The following CLEC18C variants were observed in gnomAD, a reference collection of about 807,000 sequenced individuals.
CLEC18C encodes C-type lectin domain family 18 member C, also known as mannose receptor-like 3.
A neutral mutation model predicts 27.2 loss-of-function variants in CLEC18C; 2 were observed. The ratio of observed to expected loss-of-function variants is 0.07; its 90% CI spans 0.03 to 0.23. The LOEUF (loss-of-function observed/expected upper bound fraction) is 0.23. Among genes scored for constraint, CLEC18C ranks in the 10% least tolerant of loss-of-function variants. CLEC18C has a pLI of 1.00. For missense variants in CLEC18C, 31 were observed against 269.0 expected (o/e 0.12, Z 6.19); for synonymous variants, 13 against 112.8 (o/e 0.12, Z 5.61).
intron 3 of CLEC18C, among the ~76,000 whole-genome samples, chr16:70,176,626 G>C (rs1968296684): frequency 2.0e-5 from 3 of 147,052 alleles, no homozygotes; most frequent in Non-Finnish European, 4.4e-5. Context: ...CTGCTTGGGA[G>C]GCTGAGGCAG....
rs532251801 is a variant in CLEC18C at position 70,186,036 on chromosome 16, C to T, written c.1303+60C>T. ...TCTGACCCTGGGGGTGCTGCTGACC[C>T]GGTCCAGCCTGCAAGGGTATCTAGG... On this transcript the variant is annotated intron_variant, in intron 12 of 12. Transcript: ENST00000541793. 397 of 1,484,020 alleles carry T rather than the reference C, an allele frequency of 2.7e-4. 68 individuals are homozygous for T. In the African/African-American group the frequency reaches 5.4e-3, roughly 20 times the overall value. 91.9% of individuals were successfully genotyped at this position (1,484,020 alleles called of 1,614,324 possible). A position where few individuals can be genotyped will look rare whatever the true frequency, so the allele number is the denominator to read the frequency against.
At chr16:70,175,588 C>A (rs1352588063) in intron 3 of CLEC18C, among the ~76,000 whole-genome samples, 1 of 126,118 alleles carries the variant, frequency 7.9e-6, no homozygotes, top group Non-Finnish European at 1.5e-5. Context: ...CCCCACCAGC[C>A]CGGCTGGGGC....
chr16:70,176,619 C>T (rs1299044464), intron 3 of CLEC18C, among the ~76,000 whole-genome samples: 2 of 147,816 alleles, frequency 1.4e-5, no homozygotes, highest in Non-Finnish European at 3.0e-5. Context: ...ATCCCAGCTG[C>T]TTGGGAGGCT....
intron 4 of CLEC18C, among the ~76,000 whole-genome samples, chr16:70,179,238 C>T (rs1209317711): frequency 7.4e-6 from 1 of 135,706 alleles, no homozygotes; most frequent in African/African-American, 2.8e-5. Context: ...TTCCCACTTC[C>T]CGAAGATCTT....
At chr16:70,178,404 G>A (rs965793918) in intron 4 of CLEC18C, among the ~76,000 whole-genome samples, 15 of 133,678 alleles carry the variant, frequency 1.1e-4, no homozygotes, top group Non-Finnish European at 2.4e-4. Flanking sequence ...CTACAGGCAC[G>A]AGCCACCACA....
chr16:70,181,674 T>TAAATAAATAAAA lies in CLEC18C; in HGVS notation c.457-174_457-173insATAAATAAAAAA, dbSNP rs60849704. On this transcript the variant is annotated intron_variant, in intron 4 of 12. Coordinates refer to ENST00000541793, the MANE Select transcript of CLEC18C (RefSeq NM_173619.4). ...ATAAATAAATAAATAAATAAATAAA[T>TAAATAAATAAAA]AAGCCTTCCTGAACTATTCCCACCC... Among the ~76,000 whole-genome samples, 74 of 9,260 alleles carry TAAATAAATAAAA rather than the reference T, an allele frequency of 8.0e-3. 1 individual carries two copies. The highest frequency in any genetic ancestry group is 0.022 in the African/African-American group (27 of 1,234). The allele number at this position is 9,260 out of a possible 152,430, so 6.1% of individuals were successfully genotyped here.
rs1968174554 is a variant in CLEC18C, at chr16:70,173,825, C to T, written c.-233C>T. 4 of 181,978 alleles carry T rather than the reference C, an allele frequency of 2.2e-5. No homozygotes were observed. The highest frequency in any genetic ancestry group is 4.7e-5 in the Non-Finnish European group (4 of 85,722). 11.3% of individuals were successfully genotyped at this position (181,978 alleles called of 1,614,324 possible). ...TCACCAGAAGGACCATAGCCGAGGT[C>T]CTCCTCCCAGGGCCCGGGGCTGGGG... On this transcript the variant is annotated 5_prime_UTR_variant, in exon 1 of 13. Transcript: ENST00000541793.
intron 2 of CLEC18C, chr16:70,174,631 G>C: frequency 9.3e-7 from 1 of 1,080,238 alleles, no homozygotes; most frequent in Non-Finnish European, 1.3e-6. Flanking sequence ...ACGCCGAGGA[G>C]CGCTGTGGCT....
chr16:70,176,176 T>C (rs2152137141), intron 3 of CLEC18C, among the ~76,000 whole-genome samples: 1 of 103,854 alleles, frequency 9.6e-6, no homozygotes, highest in East Asian at 2.8e-4. Flanking sequence ...GGAGGGCTGC[T>C]GAGGGACCCC....
At chr16:70,178,410 C>G (rs1156342519) in intron 4 of CLEC18C, among the ~76,000 whole-genome samples, 2 of 133,028 alleles carry the variant, frequency 1.5e-5, no homozygotes, top group East Asian at 4.3e-4. Flanking sequence ...GCACGAGCCA[C>G]CACACCCCAC....
intron 4 of CLEC18C, among the ~76,000 whole-genome samples, 181 bp downstream of exon 4, chr16:70,177,661 T>C (rs1346747894): frequency 1.7e-5 from 2 of 118,072 alleles, no homozygotes; most frequent in African/African-American, 6.4e-5. Flanking sequence ...TAGAGTGCAG[T>C]GGCGTGATCT....
In CLEC18C at chr16:70,179,300, C is replaced by T. The variant is rs546333023; in HGVS notation, c.456+1820C>T. ...TTTGAGACGGAGTCTTGCTCTGTCG[C>T]GCAGGCTACTGTGCAGTGGCGCGAT... On this transcript the variant is annotated intron_variant, in intron 4 of 12. Transcript: ENST00000541793. 8.4e-4 allele frequency among the ~76,000 whole-genome samples: 117 copies of T among 139,214 alleles called. No homozygotes were observed. In the East Asian group the frequency reaches 0.018, roughly 21 times the overall value. The allele number at this position is 139,214 out of a possible 152,430, so 91.3% of individuals were successfully genotyped here. A position where few individuals can be genotyped will look rare whatever the true frequency, so the allele number is the denominator to read the frequency against.
At chr16:70,181,674 T>TAAAA (rs60849704) in intron 4 of CLEC18C, among the ~76,000 whole-genome samples, 176 bp from the exon 5 acceptor site, 10 of 9,326 alleles carry the variant, frequency 1.1e-3, no homozygotes, top group Non-Finnish European at 1.5e-3. Flanking sequence ...AATAAATAAA[T>TAAAA]AAGCCTTCCT....
chr16:70,185,853 T>G, intron 11 of CLEC18C, 32 bp from the exon 12 acceptor site: 1 of 1,519,294 alleles, frequency 6.6e-7, no homozygotes, highest in Non-Finnish European at 8.8e-7. Flanking sequence ...GACTTCACTC[T>G]TGCCTCCTGA....
At chr16:70,179,579 G>C (rs538277621) in intron 4 of CLEC18C, among the ~76,000 whole-genome samples, 423 of 147,662 alleles carry the variant, frequency 2.9e-3, no homozygotes, top group African/African-American at 0.01. Context: ...CTTAAGTTTT[G>C]TCAGACTCAA....
chr16:70,179,242 A>G (rs1968382362), intron 4 of CLEC18C, among the ~76,000 whole-genome samples: 1 of 135,966 alleles, frequency 7.4e-6, no homozygotes, highest in African/African-American at 2.8e-5. Flanking sequence ...CACTTCCCGA[A>G]GATCTTCTGG....
rs371307443 is a variant in CLEC18C at position 70,174,917 on chromosome 16, G to A, written c.125-30G>A. ...GTTGGGTTCAGGTCCCCCCATCCTCGGGCTGCCTGACCTTCTCTCTCCACC... is the reference window on the plus strand; with the variant it reads ...GTTGGGTTCAGGTCCCCCCATCCTCAGGCTGCCTGACCTTCTCTCTCCACC... On this transcript the variant is annotated intron_variant, in intron 2 of 12. Transcript: ENST00000541793. 1,932 of 1,325,560 alleles carry A rather than the reference G, an allele frequency of 1.5e-3. 529 individuals carry two copies. The highest frequency in any genetic ancestry group is 1.9e-3 in the Non-Finnish European group (1,862 of 970,270). 82.1% of individuals were successfully genotyped at this position (1,325,560 alleles called of 1,614,324 possible). A position where few individuals can be genotyped will look rare whatever the true frequency, so the allele number is the denominator to read the frequency against.
intron 4 of CLEC18C, among the ~76,000 whole-genome samples, chr16:70,178,926 T>TTGCC (rs1968373692): frequency 1.7e-5 from 1 of 58,268 alleles, no homozygotes; most frequent in Non-Finnish European, 3.2e-5. Flanking sequence ...GGTGGCAGGA[T>TTGCC]TGCCTGAGCC....
Position 70,185,902 on chromosome 16 carries a change from A to G in CLEC18C, c.1229A>G (p.Glu410Gly). Residue 410 changes from glutamate to glycine, a missense_variant, in exon 12 of 13, where the codon GAG becomes GGG. Coordinates refer to ENST00000541793, the MANE Select transcript of CLEC18C (RefSeq NM_173619.4). The part of the protein sequence containing the change: ...PDNHGFGNCV[E>G]LQASAAFNWN... ...GCCTGCAGGTTTGGCAACTGCGTGG[A>G]GCTGCAGGCTTCAGCTGCCTTCAAC... is the stretch of plus-strand genomic sequence containing the variant. The G allele has an allele frequency of 1.3e-6, 2 of 1,588,254 alleles. No homozygotes were observed.
Sources: allele counts gnomAD v4.1 joint callset (sites outside exome capture counted in the v4.1 genomes callset), GRCh38; gene constraint gnomAD v4.1.1; transcripts MANE v1.5; gene names NCBI Gene and HGNC (gene_info 2026-07-23, HGNC 2026-07-21).